The following C4orf33 variants were observed in gnomAD, a reference collection of about 807,000 sequenced individuals.
C4orf33 encodes chromosome 4 open reading frame 33, also known as UPF0462 protein C4orf33.
A neutral mutation model predicts 24.3 loss-of-function variants in C4orf33; 20 were observed. That is an observed-to-expected ratio of 0.82 (90% CI 0.58 to 1.19). The LOEUF is 1.19. Among genes scored for constraint, C4orf33 ranks in the 50% most tolerant of loss-of-function variants. The pLI is 0.00. For missense variants in C4orf33, 207 were observed against 225.9 expected, an observed-to-expected ratio of 0.92 and a Z score of 0.54; for synonymous variants, 67 against 76.4, an observed-to-expected ratio of 0.88 and a Z score of 0.64.
Position 129,105,952 on chromosome 4 carries a change from C to A in C4orf33, c.182-635C>A, listed in dbSNP as rs1753504422. ...TTTTGCAGACATCTAGACATAGACA[C>A]ACATGCAATTTTAATGTCATGCACA... On this transcript the variant is annotated intron_variant, in intron 2 of 5. Transcript: ENST00000425929. Among the ~76,000 whole-genome samples, 5 of 152,156 alleles carry A rather than the reference C, an allele frequency of 3.3e-5. No homozygotes were observed. The South Asian group carries it at 1.0e-3, about 32-fold the overall frequency.
At position 129,113,527 on chromosome 4, in the gene C4orf33, C is replaced by A. The variant is rs916978186; in HGVS notation, c.*1736C>A. On this transcript the variant is annotated 3_prime_UTR_variant, in exon 6 of 6. Coordinates refer to ENST00000425929, the MANE Select transcript of C4orf33 (RefSeq NM_001099783.2). ...TTCAGGACCATGAAAGAATAATCATCCTTTTGTTTAAAATATGCATAAATG... is the reference window on the plus strand; with the variant it reads ...TTCAGGACCATGAAAGAATAATCATACTTTTGTTTAAAATATGCATAAATG... The A allele has an allele frequency of 3.9e-5, 6 of 152,130 alleles. No homozygotes were observed. The highest frequency in any genetic ancestry group is 1.3e-4 in the Admixed American group (2 of 15,274). The allele number at this position is 152,130 out of a possible 1,614,324, so 9.4% of individuals were successfully genotyped here.
At chr4:129,097,134 C>G (rs1301216375) in intron 1 of C4orf33, among the ~76,000 whole-genome samples, 1 of 152,192 alleles carries the variant, frequency 6.6e-6, no homozygotes, top group African/African-American at 2.4e-5. Flanking sequence ...GTCTCGATCT[C>G]CTGACCTTGT....
In C4orf33 at chr4:129,109,323, G is replaced by T. The variant is rs759733263; in HGVS notation, c.259G>T (p.Val87Leu). The T allele has an allele frequency of 7.2e-5, 117 of 1,613,964 alleles. 1 individual carries two copies. The Admixed American group carries it at 1.9e-3, about 26-fold the overall frequency. ...TTTTGACAGCCACGGACAGCATTTA[G>T]TGCTTTTACTTTCTGGAAGAAGAAA... is the stretch of plus-strand genomic sequence containing the variant. ...VELCPHGQHL[V>L]LLLSGRRNVW... The change falls in exon 4 of 6, where the codon GTG (valine) becomes TTG (leucine). Residue 87 changes from valine to leucine, a missense_variant. Coordinates refer to ENST00000425929, the MANE Select transcript of C4orf33 (RefSeq NM_001099783.2).
intron 1 of C4orf33, chr4:129,100,689 G>A (rs1227204819): frequency 6.6e-6 from 1 of 152,178 alleles, no homozygotes; most frequent in African/African-American, 2.4e-5. Flanking sequence ...TTTGGTGGTT[G>A]TATGAAGAAT....
chr4:129,111,895 A>G lies in C4orf33; in HGVS notation c.*104A>G. 1 of 580,798 alleles carries G rather than the reference A, an allele frequency of 1.7e-6. No homozygotes were observed. The highest frequency in any genetic ancestry group is 1.9e-5 in the African/African-American group (1 of 52,918). The allele number at this position is 580,798 out of a possible 1,614,324, so 36.0% of individuals were successfully genotyped here. ...GATGTCATGCATACATTTCAACAAC[A>G]AATATCTTCATAGAAGTCACTGAAA... On this transcript the variant is annotated 3_prime_UTR_variant, in exon 6 of 6. Coordinates refer to ENST00000425929, the MANE Select transcript of C4orf33 (RefSeq NM_001099783.2).
intron 2 of C4orf33, among the ~76,000 whole-genome samples, chr4:129,104,149 T>A (rs1388667745): frequency 6.6e-6 from 1 of 152,214 alleles, no homozygotes; most frequent in Non-Finnish European, 1.5e-5. Flanking sequence ...ATCTAAAAAA[T>A]TGTGAGATCT....
intron 5 of C4orf33, among the ~76,000 whole-genome samples, chr4:129,110,956 A>G (rs527843795): frequency 6.6e-6 from 1 of 152,304 alleles, no homozygotes; most frequent in African/African-American, 2.4e-5. Flanking sequence ...AACTGACTCA[A>G]GGTCCTCATA....
chr4:129,102,877 G>T (rs1358820131), intron 2 of C4orf33, 86 bp downstream of exon 2: 8 of 1,256,446 alleles, frequency 6.4e-6, no homozygotes, highest in Non-Finnish European at 8.9e-6. Context: ...TTGCTGTTGG[G>T]AAGTAAGTGC....
At chr4:129,103,298 C>T (rs1021418488) in intron 2 of C4orf33, among the ~76,000 whole-genome samples, 4 of 152,050 alleles carry the variant, frequency 2.6e-5, no homozygotes, top group Non-Finnish European at 5.9e-5. Context: ...GGATTACAGG[C>T]GTGAGCCACC....
intron 2 of C4orf33, among the ~76,000 whole-genome samples, 177 bp from the exon 3 acceptor site, chr4:129,106,410 T>G (rs1276541395): frequency 6.6e-6 from 1 of 152,028 alleles, no homozygotes; most frequent in Non-Finnish European, 1.5e-5. Flanking sequence ...TGTTGATGAT[T>G]TATTTCCTAT....
At chr4:129,095,069 C>T (rs979324995), upstream of C4orf33, among the ~76,000 whole-genome samples, 1 of 151,954 alleles carries the variant, frequency 6.6e-6, no homozygotes, top group African/African-American at 2.4e-5. Flanking sequence ...TGTCTGCACT[C>T]GAATTTTTTA....
Position 129,111,784 on chromosome 4 carries a change from A to G in C4orf33, c.593A>G (p.Asp198Gly), listed in dbSNP as rs745629522. The G allele has an allele frequency of 6.3e-7, 1 of 1,581,334 alleles. No individual in the cohort carries two copies. Among genetic ancestry groups the G allele is most frequent in the Non-Finnish European group, 8.7e-7 (1 of 1,150,564 alleles). ...ESDLWLIEKC[D>G]I is the part of the protein sequence containing the mutation. Reference sequence around the variant, plus strand: ...GACCTGTGGCTAATAGAGAAATGTGATATATAGGAGTAATAGATAACCATA... The same window carrying G: ...GACCTGTGGCTAATAGAGAAATGTGGTATATAGGAGTAATAGATAACCATA... Residue 198 changes from aspartate (D) to glycine (G), a missense_variant, in exon 6 of 6, where the codon GAT (aspartate) becomes GGT (glycine). Coordinates refer to ENST00000425929, the MANE Select transcript of C4orf33 (RefSeq NM_001099783.2).
chr4:129,095,215 G>T (rs182770618), upstream of C4orf33, among the ~76,000 whole-genome samples: 15 of 152,278 alleles, frequency 9.9e-5, no homozygotes, highest in Admixed American at 3.9e-4. Flanking sequence ...AAATTGTGAT[G>T]ATTTCACTTA....
At chr4:129,100,989 T>C (rs1349128148) in intron 1 of C4orf33, among the ~76,000 whole-genome samples, 2 of 152,296 alleles carry the variant, frequency 1.3e-5, no homozygotes, top group East Asian at 3.9e-4. Flanking sequence ...TTTTATTCCA[T>C]ACAATCCACT....
At chr4:129,107,488 C>T (rs1043634408) in intron 3 of C4orf33, among the ~76,000 whole-genome samples, 4 of 151,980 alleles carry the variant, frequency 2.6e-5, no homozygotes, top group African/African-American at 9.7e-5. Context: ...GTAGGCTGGA[C>T]AGAGAGCTCC....
At chr4:129,109,087 C>T (rs554122570) in intron 3 of C4orf33, among the ~76,000 whole-genome samples, 2 of 152,290 alleles carry the variant, frequency 1.3e-5, no homozygotes, top group South Asian at 2.1e-4. Flanking sequence ...GACGGAGTTT[C>T]ACCATGTTGG....
intron 3 of C4orf33, among the ~76,000 whole-genome samples, chr4:129,106,932 A>G (rs1441393698): frequency 2.0e-5 from 3 of 151,894 alleles, no homozygotes; most frequent in African/African-American, 7.2e-5. Flanking sequence ...ATTTTTTTCA[A>G]AACGAAAAGT....
At chr4:129,098,110 T>C (rs1753253698) in intron 1 of C4orf33, among the ~76,000 whole-genome samples, 2 of 152,188 alleles carry the variant, frequency 1.3e-5, no homozygotes, top group South Asian at 4.1e-4. Context: ...GCTTTTGGAG[T>C]AAAGGGAACT....
chr4:129,101,281 G>A (rs965956308), intron 1 of C4orf33, among the ~76,000 whole-genome samples: 2 of 152,016 alleles, frequency 1.3e-5, no homozygotes, highest in African/African-American at 4.8e-5. Flanking sequence ...GCTCGTAGGA[G>A]GTTTTCAATA....
Sources: allele counts gnomAD v4.1 joint callset (sites outside exome capture counted in the v4.1 genomes callset), GRCh38; gene constraint gnomAD v4.1.1; transcripts MANE v1.5; gene names NCBI Gene and HGNC (gene_info 2026-07-23, HGNC 2026-07-21).